The following IQCM variants were observed in gnomAD, a reference collection of about 807,000 sequenced individuals.
The protein encoded by IQCM is IQ motif containing M, also known as IQ domain-containing protein M.
IQCM carries 45 observed loss-of-function variants against 57.6 expected under a neutral mutation model. The observed-to-expected ratio is 0.78, with a 90% confidence interval of 0.62 to 1.00. The LOEUF (loss-of-function observed/expected upper bound fraction) is 1.00, where lower values mean the gene tolerates loss of function less well. IQCM is among the 50% of genes least tolerant of loss of function. The probability of loss-of-function intolerance (pLI) is 0.00; values close to 1 mark genes in which losing one functional copy is unlikely to be tolerated. For synonymous variants in IQCM, 148 were observed against 158.9 expected (o/e 0.93, Z 0.51); for missense variants, 468 against 511.6 (o/e 0.91, Z 0.82).
At chr4:149,601,927 G>A (rs1374607428) in intron 8 of IQCM, among the ~76,000 whole-genome samples, 2 of 150,970 alleles carry the variant, frequency 1.3e-5, no homozygotes, top group African/African-American at 4.9e-5. Context: ...GGTGGCTGTC[G>A]CCTGTAGTCT....
intron 5 of IQCM, among the ~76,000 whole-genome samples, chr4:149,726,174 G>A (rs1005856976): frequency 2.0e-5 from 3 of 151,428 alleles, no homozygotes; most frequent in Non-Finnish European, 4.4e-5. Flanking sequence ...TTTTTTCATA[G>A]CAAACTATAT....
At chr4:149,733,783 C>A (rs1766684447) in intron 4 of IQCM, among the ~76,000 whole-genome samples, 1 of 152,096 alleles carries the variant, frequency 6.6e-6, no homozygotes, top group African/African-American at 2.4e-5. Flanking sequence ...AAAATAGCAA[C>A]TTTCTCCCCA....
Position 149,801,415 on chromosome 4 carries a change from C to T in IQCM, c.-49+13896G>A, listed in dbSNP as rs556561740. Among the ~76,000 whole-genome samples the T allele has an allele frequency of 1.6e-4, 25 of 151,932 alleles. No individual in the cohort carries two copies. The South Asian group carries it at 5.0e-3, about 30-fold the overall frequency. ...GTATATGCTCAAAAGAAAGGAGATC[C>T]GTATATCAAAGAGATATCTGCACTC... is the stretch of plus-strand genomic sequence containing the variant. On this transcript the variant is annotated intron_variant, in intron 2 of 13. Transcript: ENST00000636793.
At chr4:149,587,413 T>G (rs1752739998) in intron 9 of IQCM, among the ~76,000 whole-genome samples, 1 of 151,748 alleles carries the variant, frequency 6.6e-6, no homozygotes, top group South Asian at 2.1e-4. Context: ...CTTTCCACAA[T>G]TGCTTCTTTC....
rs1049346530 is a variant in IQCM at position 149,472,567 on chromosome 4, A to G, written c.1229-39010T>C. Among the ~76,000 whole-genome samples the G allele has an allele frequency of 2.5e-4, 38 of 152,324 alleles. No individual in the cohort carries two copies. In the Middle Eastern group the frequency reaches 0.01, roughly 41 times the overall value. The stretch of plus-strand genomic sequence containing the variant: ...CTGCCCAAGGTAATTTATAGATTCA[A>G]TACCATCTCCATCAAGCTACCAATG... On this transcript the variant is annotated intron_variant, in intron 12 of 13. Coordinates refer to ENST00000636793, the MANE Select transcript of IQCM (RefSeq NM_001363507.2).
intron 9 of IQCM, among the ~76,000 whole-genome samples, chr4:149,572,833 A>C (rs559000957): frequency 2.3e-4 from 35 of 152,060 alleles, no homozygotes; most frequent in African/African-American, 7.5e-4. Flanking sequence ...TAGGAGGAAA[A>C]CCCTGTGAAC....
chr4:149,659,815 G>T (rs200355326), intron 7 of IQCM, among the ~76,000 whole-genome samples: 27,758 of 149,040 alleles, frequency 0.19, 2,997 homozygotes, highest in South Asian at 0.32. Context: ...CCTTACACCT[G>T]ATACAAAAAT....
In IQCM at chr4:149,630,457, C is replaced by A. The variant is rs185310930; in HGVS notation, c.566-9213G>T. On this transcript the variant is annotated intron_variant, in intron 7 of 13. Coordinates refer to ENST00000636793, the MANE Select transcript of IQCM (RefSeq NM_001363507.2). ...TTTCTAAGCAAGAAAGACAGAGGTCCTGGGGAAAAGTGGACACCGAGTGAT... is the reference window on the plus strand; with the variant it reads ...TTTCTAAGCAAGAAAGACAGAGGTCATGGGGAAAAGTGGACACCGAGTGAT... Among the ~76,000 whole-genome samples, 853 of 152,156 alleles carry A rather than the reference C, an allele frequency of 5.6e-3. 28 individuals carry two copies. Among genetic ancestry groups the A allele is most frequent in the Admixed American group, 0.052 (795 of 15,280 alleles).
intron 8 of IQCM, among the ~76,000 whole-genome samples, chr4:149,588,823 A>G (rs1379776786): frequency 6.6e-6 from 1 of 151,952 alleles, no homozygotes; most frequent in Non-Finnish European, 1.5e-5. Context: ...TAAAACACAC[A>G]GTAACAAATA....
intron 12 of IQCM, among the ~76,000 whole-genome samples, chr4:149,464,909 C>G (rs1279223406): frequency 6.6e-6 from 1 of 152,042 alleles, no homozygotes; most frequent in Non-Finnish European, 1.5e-5. Context: ...TTCTTGATAG[C>G]TTAGAAATGT....
rs1748682055 is a variant in IQCM at position 149,548,486 on chromosome 4, T to C, written c.1197A>G (p.Gln399=). The change falls in exon 12 of 14, where the codon CAA becomes CAG. Residue 399 remains glutamine, a synonymous_variant. Coordinates refer to ENST00000636793, the MANE Select transcript of IQCM (RefSeq NM_001363507.2). ...SDCGHFPTQK[Q]VDDTWDLVHQ... ...GGACCAGGTCCCAAGTATCATCAAC[T>C]TGTTTCTGAGTTGGGAAATGACCAC... is the stretch of plus-strand genomic sequence containing the variant. 3.2e-6 allele frequency: 4 copies of C among 1,231,862 alleles called. No homozygotes were observed. The highest frequency in any genetic ancestry group is 4.2e-5 in the Admixed American group (1 of 23,696). 76.3% of individuals were successfully genotyped at this position (1,231,862 alleles called of 1,614,324 possible).
chr4:149,448,154 ATTCAAG>A (rs1215399447), intron 12 of IQCM, among the ~76,000 whole-genome samples: 1 of 151,690 alleles, frequency 6.6e-6, no homozygotes, highest in Admixed American at 6.6e-5. Flanking sequence ...ATTTCAAAAG[ATTCAAG>A]TTATATTCAA....
At chr4:149,770,248 C>A (rs543652849) in intron 2 of IQCM, among the ~76,000 whole-genome samples, 2 of 152,066 alleles carry the variant, frequency 1.3e-5, no homozygotes, top group African/African-American at 4.8e-5. Flanking sequence ...TACCAACTAC[C>A]AAAGTTCACT....
chr4:149,553,436 G>A, intron 10 of IQCM, 149 bp from the exon 11 acceptor site: 1 of 492,466 alleles, frequency 2.0e-6, no homozygotes. Context: ...ACGCATTGTA[G>A]AGTAATATAA....
At chr4:149,374,278 T>G (rs887190655) in intron 13 of IQCM, among the ~76,000 whole-genome samples, 3 of 152,170 alleles carry the variant, frequency 2.0e-5, no homozygotes, top group South Asian at 4.1e-4. Flanking sequence ...ATCTATTTAT[T>G]TATCTATCTA....
At chr4:149,814,969 T>C (rs956517912) in intron 2 of IQCM, among the ~76,000 whole-genome samples, 1 of 151,970 alleles carries the variant, frequency 6.6e-6, no homozygotes, top group Non-Finnish European at 1.5e-5. Flanking sequence ...AGTAATGGCG[T>C]TGATTTACAA....
intron 7 of IQCM, among the ~76,000 whole-genome samples, chr4:149,665,201 G>A (rs928145685): frequency 2.6e-5 from 4 of 152,056 alleles, no homozygotes; most frequent in African/African-American, 9.7e-5. Context: ...TTAAATCATA[G>A]GAAAGGAAGG....
intron 7 of IQCM, among the ~76,000 whole-genome samples, chr4:149,674,076 A>G (rs1055258966): frequency 2.6e-5 from 4 of 152,158 alleles, no homozygotes; most frequent in Non-Finnish European, 5.9e-5. Flanking sequence ...TTCTGTACTC[A>G]GAAGTCTTTC....
Position 149,393,527 on chromosome 4 carries a change from T to C in IQCM, c.1390+39869A>G, listed in dbSNP as rs1732012353. ...GAATTTTTAAGAACATAAAGATATA[T>C]AGAAATTCAAGATTCTCAAATCCCA... On this transcript the variant is annotated intron_variant, in intron 13 of 13. Coordinates refer to ENST00000636793, the MANE Select transcript of IQCM (RefSeq NM_001363507.2). 1.3e-5 allele frequency among the ~76,000 whole-genome samples: 2 copies of C among 151,828 alleles called. 1 individual carries two copies. Among genetic ancestry groups the C allele is most frequent in the Admixed American group, 1.3e-4 (2 of 15,230 alleles).
Sources: gnomAD v4.1 joint callset for allele counts (sites outside exome capture counted in the v4.1 genomes callset) on GRCh38, gnomAD v4.1.1 for gene constraint, MANE v1.5 for transcripts, NCBI Gene and HGNC (gene_info 2026-07-23, HGNC 2026-07-21) for gene names.